The following SNTG1 variants were observed in gnomAD, a reference collection of about 807,000 sequenced individuals.
SNTG1 encodes gamma-1-syntrophin.
SNTG1 carries 39 observed loss-of-function variants against 74.7 expected under a neutral mutation model. The ratio of observed to expected loss-of-function variants is 0.52; its 90% CI spans 0.40 to 0.68. The LOEUF is 0.68. SNTG1 is among the 30% of genes least tolerant of loss of function. SNTG1 has a pLI of 0.00. For missense variants in SNTG1, 685 were observed against 609.5 expected, an observed-to-expected ratio of 1.12 and a Z score of -1.30; for synonymous variants, 254 against 217.1, an observed-to-expected ratio of 1.17 and a Z score of -1.49.
At chr8:50,483,696 G>A (rs1041204551) in intron 8 of SNTG1, among the ~76,000 whole-genome samples, 38 of 152,088 alleles carry the variant, frequency 2.5e-4, no homozygotes, top group Non-Finnish European at 4.4e-5. Context: ...TTACTTCTTA[G>A]TTACATGTTG....
intron 12 of SNTG1, among the ~76,000 whole-genome samples, chr8:50,554,952 A>T (rs1222639550): frequency 6.6e-6 from 1 of 152,030 alleles, no homozygotes; most frequent in African/African-American, 2.4e-5. Flanking sequence ...ATTTGCATTG[A>T]CCTAAAATCC....
intron 18 of SNTG1, among the ~76,000 whole-genome samples, chr8:50,782,536 G>A (rs2095662649): frequency 6.6e-6 from 1 of 152,066 alleles, no homozygotes; most frequent in Admixed American, 6.6e-5. Flanking sequence ...TAGTTCTTGA[G>A]CCTTGGCTTT....
At chr8:50,195,635 CT>C (rs2083738451) in intron 2 of SNTG1, among the ~76,000 whole-genome samples, 1 of 152,174 alleles carries the variant, frequency 6.6e-6, no homozygotes, top group African/African-American at 2.4e-5. Flanking sequence ...TCCTCTACCC[CT>C]GTATTTCACT....
At chr8:50,645,664 T>C (rs1332826460) in intron 13 of SNTG1, among the ~76,000 whole-genome samples, 1 of 152,196 alleles carries the variant, frequency 6.6e-6, no homozygotes, top group Non-Finnish European at 1.5e-5. Context: ...CTCACTGTAA[T>C]GAGAGGACTA....
chr8:50,472,397 A>C (rs949572498), intron 8 of SNTG1, among the ~76,000 whole-genome samples: 1 of 152,204 alleles, frequency 6.6e-6, no homozygotes, highest in Non-Finnish European at 1.5e-5. Context: ...GATTTTAAAT[A>C]ACATTTTAAA....
intron 2 of SNTG1, among the ~76,000 whole-genome samples, chr8:50,384,013 G>A (rs567314457): frequency 2.6e-5 from 4 of 152,220 alleles, no homozygotes; most frequent in African/African-American, 7.2e-5. Context: ...GAATAAGGTC[G>A]CAGGTACAGG....
chr8:50,459,275 T>C (rs2093537668), intron 8 of SNTG1, among the ~76,000 whole-genome samples: 1 of 152,210 alleles, frequency 6.6e-6, no homozygotes, highest in Admixed American at 6.5e-5. Flanking sequence ...AACTTTGTAC[T>C]ATGTTTTGAA....
rs1344150142 is a variant in SNTG1, at chr8:50,795,761, T to C, written c.*2932T>C. On this transcript the variant is annotated 3_prime_UTR_variant, in exon 19 of 19. Coordinates refer to ENST00000642720, the MANE Select transcript of SNTG1 (RefSeq NM_018967.5). Reference sequence around the variant, plus strand: ...GAATAACAATTCATCTAAGTCGAAGTATATTACAGAAAGGGCATTTATAAT... The same window carrying C: ...GAATAACAATTCATCTAAGTCGAAGCATATTACAGAAAGGGCATTTATAAT... The C allele has an allele frequency of 6.6e-6, 1 of 152,076 alleles. No homozygotes were observed. The highest frequency in any genetic ancestry group is 1.5e-5 in the Non-Finnish European group (1 of 67,986). The allele number at this position is 152,076 out of a possible 1,614,324, so 9.4% of individuals were successfully genotyped here.
chr8:50,247,471 T>C (rs1200357893), intron 2 of SNTG1, among the ~76,000 whole-genome samples: 11 of 152,154 alleles, frequency 7.2e-5, no homozygotes, highest in Non-Finnish European at 7.3e-5. Flanking sequence ...CTTAAGTTAG[T>C]GCAACTTACT....
chr8:50,291,483 C>T (rs1296568668), intron 2 of SNTG1, among the ~76,000 whole-genome samples: 1 of 151,974 alleles, frequency 6.6e-6, no homozygotes, highest in African/African-American at 2.4e-5. Flanking sequence ...GTAATGGAAA[C>T]CTTCATAGTG....
At chr8:50,378,893 G>T (rs1587390283) in intron 2 of SNTG1, among the ~76,000 whole-genome samples, 1 of 152,094 alleles carries the variant, frequency 6.6e-6, no homozygotes, top group Non-Finnish European at 1.5e-5. Context: ...CCATAGGTAG[G>T]CCCAGAAAAG....
At chr8:50,786,505 A>G (rs1042534957) in intron 18 of SNTG1, among the ~76,000 whole-genome samples, 7 of 151,980 alleles carry the variant, frequency 4.6e-5, no homozygotes, top group African/African-American at 1.7e-4. Context: ...GAAATGGACA[A>G]GTTGATCCTG....
At chr8:50,634,566 T>C (rs925456183) in intron 13 of SNTG1, among the ~76,000 whole-genome samples, 1 of 152,204 alleles carries the variant, frequency 6.6e-6, no homozygotes, top group Non-Finnish European at 1.5e-5. Context: ...CTTTACCTAG[T>C]TTCTCCCAGT....
chr8:50,721,269 G>A (rs2095486940), intron 17 of SNTG1, among the ~76,000 whole-genome samples: 1 of 152,114 alleles, frequency 6.6e-6, no homozygotes, highest in East Asian at 1.9e-4. Context: ...AGCCAGCTTT[G>A]TACCTGTATT....
intron 2 of SNTG1, among the ~76,000 whole-genome samples, chr8:50,248,030 A>G (rs2086478138): frequency 6.6e-6 from 1 of 152,108 alleles, no homozygotes; most frequent in African/African-American, 2.4e-5. Context: ...GTCTCTTCAC[A>G]TCTTCTTCCC....
intron 2 of SNTG1, among the ~76,000 whole-genome samples, chr8:50,250,016 A>T (rs2086575902): frequency 6.6e-6 from 1 of 152,046 alleles, no homozygotes; most frequent in Non-Finnish European, 1.5e-5. Context: ...AATTACTAAT[A>T]ATGATTTCAA....
Position 50,450,670 on chromosome 8 carries a change from C to CT in SNTG1, c.322-14dup. 1 of 1,613,338 alleles carries CT rather than the reference C, an allele frequency of 6.2e-7. No homozygotes were observed. Among genetic ancestry groups the CT allele is most frequent in the Non-Finnish European group, 8.5e-7 (1 of 1,179,696 alleles). Reference sequence around the variant, plus strand: ...TTACAATATGCCATGGGAAACTATGCTTTTCTTTTCATTGCAGATAAATGG... The same window carrying CT: ...TTACAATATGCCATGGGAAACTATGCTTTTTCTTTTCATTGCAGATAAATGG... On this transcript the variant is annotated splice_polypyrimidine_tract_variant and intron_variant, in intron 7 of 18. Transcript: ENST00000642720.
intron 2 of SNTG1, among the ~76,000 whole-genome samples, chr8:50,385,317 G>T (rs2092556923): frequency 6.6e-6 from 1 of 152,092 alleles, no homozygotes; most frequent in South Asian, 2.1e-4. Context: ...ACTCAAATAG[G>T]CCTCCTAGGC....
chr8:50,677,243 A>C (rs1380350344), intron 15 of SNTG1, among the ~76,000 whole-genome samples: 2 of 151,998 alleles, frequency 1.3e-5, no homozygotes, highest in African/African-American at 4.8e-5. Context: ...AATTTTAATA[A>C]AAATGTGAGA....
Sources: allele counts gnomAD v4.1 joint callset (sites outside exome capture counted in the v4.1 genomes callset), GRCh38; gene constraint gnomAD v4.1.1; transcripts MANE v1.5; gene names NCBI Gene and HGNC (gene_info 2026-07-23, HGNC 2026-07-21).